ZNF184: variants seen among roughly 807,000 people sequenced by gnomAD.
ZNF184 encodes zinc finger protein 184 (Kruppel-like).
Under a neutral mutation model 54.4 loss-of-function variants are expected in ZNF184, and 16 were observed. That is an observed-to-expected ratio of 0.29 (90% CI 0.20 to 0.45). The LOEUF (loss-of-function observed/expected upper bound fraction) is 0.45. ZNF184 is among the 20% of genes least tolerant of loss of function. ZNF184 has a pLI of 1.00. For synonymous variants in ZNF184, 254 were observed against 295.3 expected (o/e 0.86, Z 1.43); for missense variants, 681 against 888.2 (o/e 0.77, Z 2.97).
At chr6:27,467,969 C>T (rs1561843317) in intron 2 of ZNF184, 49 bp from the exon 3 acceptor site, 2 of 1,383,262 alleles carry the variant, frequency 1.4e-6, no homozygotes, top group Non-Finnish European at 2.0e-6. Context: ...TTTAGCCATT[C>T]CCAGCAATCC....
chr6:27,432,930 C>T, the ZNF184 span, among the ~76,000 whole-genome samples: 9 of 152,316 alleles, frequency 5.9e-5, no homozygotes, highest in East Asian at 7.7e-4. This position sits in a 1 kb window ranked among gnomAD's most constrained non-coding sequence, Gnocchi z 4.0. Flanking sequence ...GCCACCATAA[C>T]GTGAGAAAGC....
At chr6:27,414,582 G>C in the ZNF184 span, among the ~76,000 whole-genome samples, 91 of 151,850 alleles carry the variant, frequency 6.0e-4, no homozygotes, top group Non-Finnish European at 1.1e-3. Context: ...TCTGCTTGCA[G>C]GGCTTTTGCT....
the ZNF184 span, among the ~76,000 whole-genome samples, chr6:27,424,422 A>T: frequency 6.6e-6 from 1 of 152,112 alleles, no homozygotes; most frequent in African/African-American, 2.4e-5. Flanking sequence ...ATCTGGCCCC[A>T]CCCACATCCT....
In ZNF184 at chr6:27,472,405, G is replaced by C. The variant is rs1172398655; in HGVS notation, c.-111C>G. ...TCAGATGTCTAACTCCCCTTGCAGG[G>C]AATCTGCAACACGCTGAGGTTGTCT... On this transcript the variant is annotated 5_prime_UTR_variant, in exon 2 of 6. Transcript: ENST00000683788. The surrounding 1 kb of genome is among the most constrained non-coding windows in gnomAD (Gnocchi z 4.8). 1 of 1,402,800 alleles carries C rather than the reference G, an allele frequency of 7.1e-7. No homozygotes were observed. The highest frequency in any genetic ancestry group is 1.0e-6 in the Non-Finnish European group (1 of 1,000,002). The allele number at this position is 1,402,800 out of a possible 1,614,324, so 86.9% of individuals were successfully genotyped here.
At chr6:27,462,854 G>C (rs1478806083) in intron 3 of ZNF184, among the ~76,000 whole-genome samples, 1 of 145,804 alleles carries the variant, frequency 6.9e-6, no homozygotes, top group African/African-American at 2.5e-5. Flanking sequence ...GACAGAGTGA[G>C]ACTCTGTCTC....
Position 27,472,387 on chromosome 6 carries a change from T to C in ZNF184, c.-93A>G, listed in dbSNP as rs1763299913. ...GGTATCTCGGTCTAGGACTCAGATG[T>C]CTAACTCCCCTTGCAGGGAATCTGC... On this transcript the variant is annotated 5_prime_UTR_variant, in exon 2 of 6. Coordinates refer to ENST00000683788, the MANE Select transcript of ZNF184 (RefSeq NM_001318891.2). The surrounding 1 kb of genome is among the most constrained non-coding windows in gnomAD (Gnocchi z 4.8). 3 of 1,538,004 alleles carry C rather than the reference T, an allele frequency of 2.0e-6. No individual in the cohort carries two copies. Among genetic ancestry groups the C allele is most frequent in the African/African-American group, 1.4e-5 (1 of 73,256 alleles).
At chr6:27,421,013 T>C in the ZNF184 span, among the ~76,000 whole-genome samples, 1 of 152,186 alleles carries the variant, frequency 6.6e-6, no homozygotes, top group East Asian at 1.9e-4. Flanking sequence ...TACTGTATGG[T>C]TCTAACTATA....
At chr6:27,454,375 T>C (rs1762804112) in intron 5 of ZNF184, among the ~76,000 whole-genome samples, 3 of 152,120 alleles carry the variant, frequency 2.0e-5, no homozygotes, top group African/African-American at 7.2e-5. Context: ...CACGTATTAG[T>C]GTAGGCAGCC....
rs1763207983 is a variant in ZNF184 at position 27,468,987 on chromosome 6, G to C, written c.8-1067C>G. ...TTGTACAGTATTTGTGCACTTTACT[G>C]TATATAACTTATACCTTAATAAACA... On this transcript the variant is annotated intron_variant, in intron 2 of 5. Coordinates refer to ENST00000683788, the MANE Select transcript of ZNF184 (RefSeq NM_001318891.2). Among the ~76,000 whole-genome samples the C allele has an allele frequency of 2.0e-5, 3 of 152,168 alleles. No individual in the cohort carries two copies. In the South Asian group the frequency reaches 6.2e-4, roughly 32 times the overall value.
the ZNF184 span, among the ~76,000 whole-genome samples, chr6:27,413,804 G>A: frequency 6.6e-6 from 1 of 152,168 alleles, no homozygotes; most frequent in African/African-American, 2.4e-5. Flanking sequence ...AACAAAGGTA[G>A]CCCTGGGTCT....
At chr6:27,442,822 G>A in the ZNF184 span, among the ~76,000 whole-genome samples, 5 of 22,684 alleles carry the variant, frequency 2.2e-4, no homozygotes, top group South Asian at 1.6e-3. Context: ...GAGAAAGAAA[G>A]AAAGAAAGAA....
In ZNF184 at chr6:27,451,156, CCCAATGTACTTT is replaced by C; in HGVS notation, c.*135_*146del. ...CTTAATAACAATTGGATTAGTTCAG[CCCAATGTACTTT>C]CCATTCCATAACATGATAGTGAAAA... On this transcript the variant is annotated 3_prime_UTR_variant, in exon 6 of 6. Transcript: ENST00000683788. The C allele has an allele frequency of 1.1e-6, 1 of 935,964 alleles. No homozygotes were observed. 58.0% of individuals were successfully genotyped at this position (935,964 alleles called of 1,614,324 possible).
At chr6:27,467,809 A>G in intron 3 of ZNF184, 44 bp downstream of exon 3, 1 of 1,544,516 alleles carries the variant, frequency 6.5e-7, no homozygotes, top group Non-Finnish European at 8.8e-7. Flanking sequence ...AACCACAATC[A>G]CCCTCTAAAG....
intron 3 of ZNF184, among the ~76,000 whole-genome samples, chr6:27,459,580 A>G (rs1435297259): frequency 6.6e-6 from 1 of 152,152 alleles, no homozygotes; most frequent in Non-Finnish European, 1.5e-5. Context: ...ACAGAACCCA[A>G]ATGCAATCTA....
At chr6:27,422,158 A>G in the ZNF184 span, among the ~76,000 whole-genome samples, 1 of 85,692 alleles carries the variant, frequency 1.2e-5, no homozygotes, top group African/African-American at 4.6e-5. Flanking sequence ...AAAAGAAAGA[A>G]AGAAAGAAAG....
intron 2 of ZNF184, among the ~76,000 whole-genome samples, chr6:27,470,538 G>C (rs1056407144): frequency 1.3e-5 from 2 of 152,130 alleles, no homozygotes; most frequent in Non-Finnish European, 2.9e-5. Context: ...TTTTGTAACA[G>C]AAGTCTTAAG....
the ZNF184 span, among the ~76,000 whole-genome samples, chr6:27,422,221 G>C: frequency 1.6e-5 from 2 of 126,536 alleles, no homozygotes; most frequent in Non-Finnish European, 3.4e-5. Flanking sequence ...AGAAAGAAAA[G>C]AAAAGAAATT....
At chr6:27,442,348 G>A in the ZNF184 span, among the ~76,000 whole-genome samples, 1 of 152,220 alleles carries the variant, frequency 6.6e-6, no homozygotes, top group African/African-American at 2.4e-5. Flanking sequence ...AGCCAAACAT[G>A]GTGACTCATG....
At chr6:27,445,257 T>C in the ZNF184 span, among the ~76,000 whole-genome samples, 8 of 152,170 alleles carry the variant, frequency 5.3e-5, no homozygotes, top group African/African-American at 1.9e-4. Flanking sequence ...TAATGGAATA[T>C]TACAACACCC....
Sources: gnomAD v4.1 joint callset for allele counts (sites outside exome capture counted in the v4.1 genomes callset) on GRCh38, gnomAD v4.1.1 for gene constraint, Gnocchi (gnomAD v3.1) non-coding constraint, MANE v1.5 for transcripts, NCBI Gene and HGNC (gene_info 2026-07-23, HGNC 2026-07-21) for gene names.